The following NTN1 variants were observed in gnomAD, a reference collection of about 807,000 sequenced individuals.
NTN1 encodes netrin-1.
In NTN1, 11 loss-of-function variants were observed where a neutral mutation model predicts 54.2. The ratio of observed to expected loss-of-function variants is 0.20; its 90% CI spans 0.13 to 0.34. The LOEUF (loss-of-function observed/expected upper bound fraction) is 0.34. NTN1 is among the 10% of genes least tolerant of loss of function. The pLI, the probability that NTN1 is intolerant of heterozygous loss-of-function variation, is 1.00. For missense variants in NTN1, 740 were observed against 893.1 expected, an observed-to-expected ratio of 0.83 and a Z score of 2.18; for synonymous variants, 371 against 382.0, an observed-to-expected ratio of 0.97 and a Z score of 0.33.
chr17:9,077,689 C>G (rs1034464394), intron 2 of NTN1, among the ~76,000 whole-genome samples: 2 of 152,096 alleles, frequency 1.3e-5, no homozygotes, highest in Non-Finnish European at 2.9e-5. Flanking sequence ...ATAAAATATC[C>G]AGGAAAATTG....
chr17:9,145,668 G>C (rs917839415), intron 2 of NTN1, among the ~76,000 whole-genome samples: 12 of 152,186 alleles, frequency 7.9e-5, no homozygotes, highest in Non-Finnish European at 1.3e-4. Flanking sequence ...TGTAATCCCA[G>C]CACTTTGGGA....
intron 2 of NTN1, among the ~76,000 whole-genome samples, chr17:9,142,553 A>G (rs2092301338): frequency 6.6e-6 from 1 of 151,778 alleles, no homozygotes; most frequent in African/African-American, 2.4e-5. Flanking sequence ...TGGAGAAGGA[A>G]GATGATGGGA....
At chr17:9,112,690 T>C (rs1296766937) in intron 2 of NTN1, among the ~76,000 whole-genome samples, 1 of 151,784 alleles carries the variant, frequency 6.6e-6, no homozygotes, top group African/African-American at 2.4e-5. Context: ...CCGGGCGTGG[T>C]GGCAGGCGCC....
chr17:9,083,393 G>A (rs2092078739), intron 2 of NTN1, among the ~76,000 whole-genome samples: 1 of 152,258 alleles, frequency 6.6e-6, no homozygotes. Flanking sequence ...ACTACACCCA[G>A]CTGATTGTCT....
intron 2 of NTN1, among the ~76,000 whole-genome samples, chr17:9,073,352 T>C (rs1031132840): frequency 1.4e-4 from 22 of 152,182 alleles, no homozygotes; most frequent in African/African-American, 5.1e-4. Context: ...ACTGAACTTA[T>C]CAAACAAGTC....
At chr17:9,217,343 C>G (rs1470136247) in intron 5 of NTN1, among the ~76,000 whole-genome samples, 1 of 152,208 alleles carries the variant, frequency 6.6e-6, no homozygotes, top group Non-Finnish European at 1.5e-5. Flanking sequence ...GTTGGGTCAT[C>G]ATCAGTTTCG....
intron 5 of NTN1, among the ~76,000 whole-genome samples, chr17:9,204,026 A>G (rs1423819104): frequency 6.6e-6 from 1 of 151,976 alleles, no homozygotes; most frequent in African/African-American, 2.4e-5. Context: ...GAAAGTGGAG[A>G]TAAGGCCATC....
chr17:9,083,690 A>G (rs1352298614), intron 2 of NTN1, among the ~76,000 whole-genome samples: 2 of 152,220 alleles, frequency 1.3e-5, no homozygotes, highest in African/African-American at 4.8e-5. Flanking sequence ...AACACCCACC[A>G]AAGGATGATA....
intron 2 of NTN1, among the ~76,000 whole-genome samples, chr17:9,038,171 T>C (rs2091908857): frequency 6.6e-6 from 1 of 151,850 alleles, no homozygotes; most frequent in Admixed American, 6.6e-5. Context: ...ACTATTCTAT[T>C]TATACTGCAA....
At chr17:9,016,435 C>G in the NTN1 span, among the ~76,000 whole-genome samples, 1 of 152,192 alleles carries the variant, frequency 6.6e-6, no homozygotes, top group African/African-American at 2.4e-5. Context: ...CCACAACCTC[C>G]TCAGTTATTC....
At chr17:9,014,882 A>G in the NTN1 span, among the ~76,000 whole-genome samples, 7 of 152,200 alleles carry the variant, frequency 4.6e-5, no homozygotes, top group African/African-American at 1.7e-4. Flanking sequence ...GGTTCTGACT[A>G]AGAGCTCCAA....
At chr17:9,227,466 ACAGT>A (rs375077060) in intron 6 of NTN1, among the ~76,000 whole-genome samples, 1,692 of 140,784 alleles carry the variant, frequency 0.012, 33 homozygotes, top group African/African-American at 0.044. Flanking sequence ...ACTGTCACAC[ACAGT>A]CACACACATA....
At chr17:9,077,405 G>A (rs937094022) in intron 2 of NTN1, among the ~76,000 whole-genome samples, 1 of 152,118 alleles carries the variant, frequency 6.6e-6, no homozygotes, top group Non-Finnish European at 1.5e-5. Flanking sequence ...CAGTGGCTGA[G>A]AATCAAAAGC....
At chr17:9,237,980 T>TGAAAATACGG (rs1394572625) in intron 6 of NTN1, among the ~76,000 whole-genome samples, 10 of 152,184 alleles carry the variant, frequency 6.6e-5, no homozygotes, top group Non-Finnish European at 1.5e-4. Context: ...ACAGCTGAAA[T>TGAAAATACGG]GAAAATACGG....
At chr17:9,055,310 G>A (rs911480677) in intron 2 of NTN1, among the ~76,000 whole-genome samples, 2 of 152,174 alleles carry the variant, frequency 1.3e-5, no homozygotes, top group South Asian at 2.1e-4. Context: ...AATGCTAACC[G>A]CTGCCTGCAC....
rs1905355482 is a variant in NTN1, at chr17:9,221,574, G to A, written c.1486+332G>A. Among the ~76,000 whole-genome samples the A allele has an allele frequency of 6.6e-6, 1 of 152,320 alleles. No individual in the cohort carries two copies. The highest frequency in any genetic ancestry group is 2.4e-5 in the African/African-American group (1 of 41,570). On this transcript the variant is annotated intron_variant, in intron 6 of 6. Transcript: ENST00000173229. This position sits in a 1 kb window ranked among gnomAD's most constrained non-coding sequence, Gnocchi z 4.5. ...TTTACCTCTGTGGTCTTCTGTGTCT[G>A]CATCATACTGCGGGGATTTGACCCG...
chr17:9,197,385 G>A (rs566802799), intron 5 of NTN1, among the ~76,000 whole-genome samples: 4 of 152,264 alleles, frequency 2.6e-5, no homozygotes, highest in East Asian at 3.9e-4. Flanking sequence ...TGGGCCAGGC[G>A]TGGTGGCTCA....
Position 9,162,991 on chromosome 17 carries a change from G to A in NTN1, c.1197G>A (p.Lys399=), listed in dbSNP as rs150043655. 1.1e-5 allele frequency: 17 copies of A among 1,608,988 alleles called. No individual in the cohort carries two copies. In the African/African-American group the frequency reaches 2.1e-4, roughly 20 times the overall value. The change falls in exon 3 of 7, where the codon AAG becomes AAA. Residue 399 remains lysine (K), a synonymous_variant. Coordinates refer to ENST00000173229, the MANE Select transcript of NTN1 (RefSeq NM_004822.3). ...TGGGCAAGCCCATCACCCACCGGAA[G>A]GCCTGCAAAGGTGGGCTACACGTGG... ...RDMGKPITHR[K]ACKACDCHPV...
chr17:9,145,856 TGCAGTGA>T, intron 2 of NTN1, among the ~76,000 whole-genome samples: 1 of 142,708 alleles, frequency 7.0e-6, no homozygotes, highest in South Asian at 2.2e-4. Context: ...AGGCAGGGGT[TGCAGTGA>T]GCTGAGATCG....
Sources: gnomAD v4.1 joint callset for allele counts (sites outside exome capture counted in the v4.1 genomes callset) on GRCh38, gnomAD v4.1.1 for gene constraint, Gnocchi (gnomAD v3.1) non-coding constraint, MANE v1.5 for transcripts, NCBI Gene and HGNC (gene_info 2026-07-23, HGNC 2026-07-21) for gene names.